LAP3: variants seen among roughly 807,000 people sequenced by gnomAD.
The protein encoded by LAP3 is leucine aminopeptidase 3, also known as cytosol aminopeptidase.
LAP3 carries 46 observed loss-of-function variants against 58.8 expected under a neutral mutation model. The ratio of observed to expected loss-of-function variants is 0.78; its 90% confidence interval spans 0.62 to 1.00. The LOEUF is 1.00. Among genes scored for constraint, LAP3 ranks in the 50% least tolerant of loss-of-function variants. The probability of loss-of-function intolerance (pLI) is 0.00; values close to 1 mark genes in which losing one functional copy is unlikely to be tolerated. For synonymous variants in LAP3, 257 were observed against 237.7 expected (o/e 1.08, Z -0.75); for missense variants, 615 against 659.1 (o/e 0.93, Z 0.73).
chr4:17,604,467 T>C, intron 10 of LAP3, 121 bp from the exon 11 acceptor site: 2 of 677,432 alleles, frequency 3.0e-6, no homozygotes, highest in East Asian at 5.0e-5. Flanking sequence ...CCTAAGCTTA[T>C]CTATTTTTGA....
At chr4:17,584,779 C>G (rs1463635140) in intron 5 of LAP3, 193 bp from the exon 6 acceptor site, 2 of 499,694 alleles carry the variant, frequency 4.0e-6, no homozygotes, top group Admixed American at 6.9e-5. Context: ...GCCATGTTTT[C>G]TAGCTTTCTG....
intron 1 of LAP3, among the ~76,000 whole-genome samples, chr4:17,579,180 G>T (rs566087800): frequency 2.2e-4 from 33 of 152,172 alleles, no homozygotes; most frequent in Non-Finnish European, 4.3e-4. Context: ...AAGGGGCTTG[G>T]GTTAGTAAAT....
intron 8 of LAP3, among the ~76,000 whole-genome samples, chr4:17,596,245 C>T (rs1237720548): frequency 6.6e-6 from 1 of 152,138 alleles, no homozygotes; most frequent in African/African-American, 2.4e-5. Context: ...ATGACAAAAC[C>T]ATTATCTTTT....
intron 1 of LAP3, among the ~76,000 whole-genome samples, chr4:17,578,892 G>T (rs1033159981): frequency 6.6e-6 from 1 of 152,128 alleles, no homozygotes; most frequent in African/African-American, 2.4e-5. Flanking sequence ...CACAGCCATT[G>T]GCTTGACTGG....
chr4:17,577,282 C>T lies in LAP3; in HGVS notation c.-184C>T, dbSNP rs1713219277. On this transcript the variant is annotated 5_prime_UTR_variant, in exon 1 of 13. Transcript: ENST00000226299. ...TCCCCTCCACAACCGCGGTTTGATC[C>T]CAGCGGTCCAGTCGGCCGGTGCTGC... 1 of 153,678 alleles carries T rather than the reference C, an allele frequency of 6.5e-6. No individual in the cohort carries two copies. The highest frequency in any genetic ancestry group is 1.1e-5 in the Non-Finnish European group (1 of 90,204). The allele number at this position is 153,678 out of a possible 1,614,324, so 9.5% of individuals were successfully genotyped here.
chr4:17,586,085 TG>T, intron 6 of LAP3: 1 of 152,218 alleles, frequency 6.6e-6, no homozygotes, highest in South Asian at 2.1e-4. Context: ...ACTCCAGCAT[TG>T]GTGCTCCCAG....
rs1329203420 is a variant in LAP3, at chr4:17,607,753, CAA to C, written c.*166_*167del. On this transcript the variant is annotated 3_prime_UTR_variant, in exon 13 of 13. Coordinates refer to ENST00000226299, the MANE Select transcript of LAP3 (RefSeq NM_015907.3). ...GCCTTGATTTTTTTTTCATTTCACA[CAA>C]AGATTTATAAAGGTAAAGTTAATAT... 15 of 530,304 alleles carry C rather than the reference CAA, an allele frequency of 2.8e-5. No individual in the cohort carries two copies. The highest frequency in any genetic ancestry group is 3.2e-6 in the Non-Finnish European group (1 of 307,960). The allele number at this position is 530,304 out of a possible 1,614,324, so 32.8% of individuals were successfully genotyped here.
intron 8 of LAP3, among the ~76,000 whole-genome samples, chr4:17,596,631 G>A (rs746252515): frequency 5.9e-5 from 9 of 152,146 alleles, no homozygotes; most frequent in South Asian, 2.1e-4. Context: ...GAGCCACCGC[G>A]CCTGGCCTAT....
At chr4:17,596,324 T>C (rs906560985) in intron 8 of LAP3, among the ~76,000 whole-genome samples, 7 of 152,142 alleles carry the variant, frequency 4.6e-5, no homozygotes, top group African/African-American at 1.7e-4. Context: ...TATTTATTTA[T>C]ATTTAGGTTT....
chr4:17,602,333 T>C (rs1162537802), intron 10 of LAP3, among the ~76,000 whole-genome samples: 1 of 152,094 alleles, frequency 6.6e-6, no homozygotes, highest in Non-Finnish European at 1.5e-5. Context: ...AAATAACAAA[T>C]GAGATTACTA....
chr4:17,584,485 G>A (rs1268819682), intron 5 of LAP3, among the ~76,000 whole-genome samples: 6 of 152,182 alleles, frequency 3.9e-5, no homozygotes, highest in Non-Finnish European at 7.3e-5. Context: ...CTTACGAATG[G>A]GTTGGAATTT....
At position 17,585,005 on chromosome 4, in the gene LAP3, G is replaced by A; in HGVS notation, c.573G>A (p.Leu191=). The change falls in exon 6 of 13, where the codon CTG becomes CTA. Residue 191 remains leucine (L), a synonymous_variant. Coordinates refer to ENST00000226299, the MANE Select transcript of LAP3 (RefSeq NM_015907.3). Reference sequence around the variant, plus strand: ...AGGAGGCCTGGCAGAAAGGAGTCCTGTTTGCTTCTGGGCAGAACTTGGCAC... The same window carrying A: ...AGGAGGCCTGGCAGAAAGGAGTCCTATTTGCTTCTGGGCAGAACTTGGCAC... ...GDQEAWQKGV[L]FASGQNLARQ... 6.2e-7 allele frequency: 1 copy of A among 1,614,106 alleles called. No homozygotes were observed. The highest frequency in any genetic ancestry group is 8.5e-7 in the Non-Finnish European group (1 of 1,180,000).
intron 11 of LAP3, 146 bp downstream of exon 11, chr4:17,604,813 A>AT: frequency 1.5e-6 from 1 of 664,296 alleles, no homozygotes; most frequent in South Asian, 1.8e-5. Context: ...ACAGCAATAG[A>AT]TTGAGTTCAG....
intron 10 of LAP3, among the ~76,000 whole-genome samples, chr4:17,600,054 T>C (rs1471025528): frequency 6.6e-6 from 1 of 152,242 alleles, no homozygotes; most frequent in Non-Finnish European, 1.5e-5. Flanking sequence ...AGTGTTGTCT[T>C]ATTGCCAAAT....
rs774984923 is a variant in LAP3 at position 17,577,556 on chromosome 4, G to C, written c.91G>C (p.Asp31His). 6.4e-7 allele frequency: 1 copy of C among 1,562,268 alleles called. No individual in the cohort carries two copies. The highest frequency in any genetic ancestry group is 2.4e-5 in the East Asian group (1 of 41,894). Residue 31 changes from aspartate (D) to histidine (H), a missense_variant, in exon 1 of 13, where the codon GAC becomes CAC. By Grantham distance (81) the Asp-to-His change is moderately conservative. Coordinates refer to ENST00000226299, the MANE Select transcript of LAP3 (RefSeq NM_015907.3). ...CGGGAGCCGGAGTCTCTCCACCGCA[G>C]ACATGACGAAGGTGAGAGGCGGCGG... The part of the protein sequence containing the change: ...RFGSRSLSTA[D>H]MTKGLVLGIY...
In LAP3 at chr4:17,599,176, A is replaced by G. The variant is rs185774945; in HGVS notation, c.1180+618A>G. Among the ~76,000 whole-genome samples the G allele has an allele frequency of 1.2e-4, 19 of 152,302 alleles. No homozygotes were observed. The East Asian group carries it at 3.7e-3, about 29-fold the overall frequency. On this transcript the variant is annotated intron_variant, in intron 10 of 12. Transcript: ENST00000226299. The stretch of plus-strand genomic sequence containing the variant: ...ATTACAGAAGTGAGCCACTGTGCCC[A>G]GCCTGGGCTGTACCTTTAAGCAGAA...
At position 17,577,314 on chromosome 4, in the gene LAP3, G is replaced by A; in HGVS notation, c.-152G>A. Reference sequence around the variant, plus strand: ...TCCAGTCGGCCGGTGCTGCCCATCCGTCCCGCCCCCTAGACGCACGTCCGC... The same window carrying A: ...TCCAGTCGGCCGGTGCTGCCCATCCATCCCGCCCCCTAGACGCACGTCCGC... On this transcript the variant is annotated 5_prime_UTR_variant, in exon 1 of 13. Transcript: ENST00000226299. 1 of 273,610 alleles carries A rather than the reference G, an allele frequency of 3.7e-6. No individual in the cohort carries two copies. The highest frequency in any genetic ancestry group is 5.9e-6 in the Non-Finnish European group (1 of 168,366). The allele number at this position is 273,610 out of a possible 1,614,324, so 16.9% of individuals were successfully genotyped here.
chr4:17,604,495 A>AAT, intron 10 of LAP3, 93 bp from the exon 11 acceptor site: 2 of 790,860 alleles, frequency 2.5e-6, no homozygotes. Context: ...GAAGCCATTA[A>AAT]ATAGGGTACA....
intron 2 of LAP3, among the ~76,000 whole-genome samples, chr4:17,580,607 C>G (rs1713339888): frequency 6.6e-6 from 1 of 152,172 alleles, no homozygotes; most frequent in African/African-American, 2.4e-5. Flanking sequence ...CCACCAGCCT[C>G]TCTACTTCTT....
Sources: gnomAD v4.1 joint callset for allele counts (sites outside exome capture counted in the v4.1 genomes callset) on GRCh38, gnomAD v4.1.1 for gene constraint, MANE v1.5 for transcripts, NCBI Gene and HGNC (gene_info 2026-07-23, HGNC 2026-07-21) for gene names.